LIN7A: variants seen among roughly 807,000 people sequenced by gnomAD.
LIN7A encodes the protein lin-7 cell polarity scaffold A, also known as protein lin-7 homolog A.
A neutral mutation model predicts 29.8 loss-of-function variants in LIN7A; 25 were observed. The ratio of observed to expected loss-of-function variants is 0.84; its 90% CI spans 0.61 to 1.17. The LOEUF is 1.17. Among genes scored for constraint, LIN7A ranks in the 50% most tolerant of loss-of-function variants. LIN7A has a pLI of 0.00. For missense variants in LIN7A, 239 were observed against 287.0 expected (o/e 0.83, Z 1.21); for synonymous variants, 118 against 107.5 (o/e 1.10, Z -0.60).
At chr12:80,907,053 CTCTGTGTGTGTGTG>C (rs1322686518) in intron 1 of LIN7A, among the ~76,000 whole-genome samples, 10 of 132,948 alleles carry the variant, frequency 7.5e-5, no homozygotes, top group Admixed American at 3.7e-4. Context: ...AGAGTGCGTG[CTCTGTGTGTGTGTG>C]TGTGTGTGTG....
At chr12:80,919,249 G>T (rs575557379) in intron 1 of LIN7A, among the ~76,000 whole-genome samples, 1 of 152,258 alleles carries the variant, frequency 6.6e-6, no homozygotes, top group Non-Finnish European at 1.5e-5. Context: ...ACTCTGCTAG[G>T]TGAGAATAAC....
rs1039912794 is a variant in LIN7A, at chr12:80,842,203, A to G, written c.483+3527T>C. ...TATTTATTGATTTCCCCCCCTTTCCATCACACTTTATAACCTAACATTCCA... is the reference window on the plus strand; with the variant it reads ...TATTTATTGATTTCCCCCCCTTTCCGTCACACTTTATAACCTAACATTCCA... On this transcript the variant is annotated intron_variant, in intron 4 of 5. Coordinates refer to ENST00000552864, the MANE Select transcript of LIN7A (RefSeq NM_004664.4). The G allele has an allele frequency of 1.9e-5, 20 of 1,059,458 alleles. No homozygotes were observed. In the African/African-American group the frequency reaches 3.0e-4, roughly 16 times the overall value. 65.6% of individuals were successfully genotyped at this position (1,059,458 alleles called of 1,614,324 possible). A position where few individuals can be genotyped will look rare whatever the true frequency, so the allele number is the denominator to read the frequency against.
chr12:80,907,186 A>C (rs1448904560), intron 1 of LIN7A, among the ~76,000 whole-genome samples: 2 of 151,630 alleles, frequency 1.3e-5, no homozygotes, highest in Non-Finnish European at 2.9e-5. Context: ...GTGGGTGATA[A>C]TTACCATATT....
chr12:80,837,840 C>CA (rs1872649077), intron 4 of LIN7A, among the ~76,000 whole-genome samples: 3 of 150,558 alleles, frequency 2.0e-5, no homozygotes, highest in Non-Finnish European at 4.4e-5. Flanking sequence ...CATCATCATC[C>CA]TCATCATCAT....
At chr12:80,927,351 C>A (rs1008801125) in intron 1 of LIN7A, among the ~76,000 whole-genome samples, 1 of 151,852 alleles carries the variant, frequency 6.6e-6, no homozygotes, top group Non-Finnish European at 1.5e-5. Flanking sequence ...TTAGCAGAGA[C>A]GGGGTTTCAC....
intron 2 of LIN7A, among the ~76,000 whole-genome samples, chr12:80,877,935 T>C (rs528876848): frequency 3.6e-4 from 55 of 152,028 alleles, no homozygotes; most frequent in African/African-American, 1.2e-3. Flanking sequence ...AGTCCTGTGA[T>C]CTCAACAGAA....
intron 2 of LIN7A, among the ~76,000 whole-genome samples, chr12:80,858,538 A>C (rs913439835): frequency 2.0e-5 from 3 of 152,040 alleles, no homozygotes; most frequent in African/African-American, 7.2e-5. Context: ...TTGTTCAAAA[A>C]AGAATTCCCT....
At chr12:80,821,568 A>G (rs1871806206) in intron 4 of LIN7A, among the ~76,000 whole-genome samples, 1 of 152,212 alleles carries the variant, frequency 6.6e-6, no homozygotes, top group African/African-American at 2.4e-5. Context: ...TTCTTAAAAT[A>G]AGACAACAAT....
intron 2 of LIN7A, among the ~76,000 whole-genome samples, chr12:80,868,493 G>A (rs533581257): frequency 6.6e-6 from 1 of 152,150 alleles, no homozygotes; most frequent in South Asian, 2.1e-4. Flanking sequence ...GTTTGAACCT[G>A]GGAGGTGGAG....
chr12:80,844,158 G>C (rs1537), intron 4 of LIN7A, among the ~76,000 whole-genome samples: 59,782 of 151,832 alleles, frequency 0.39, 11,924 homozygotes, highest in Non-Finnish European at 0.41. Context: ...GTGTGACCTA[G>C]CTCTAGAGTC....
intron 1 of LIN7A, among the ~76,000 whole-genome samples, chr12:80,908,278 G>T (rs906456440): frequency 6.6e-6 from 1 of 151,960 alleles, no homozygotes; most frequent in East Asian, 1.9e-4. Flanking sequence ...TGTACCAACC[G>T]TAAGAATGAT....
chr12:80,832,657 C>G (rs12311734), intron 4 of LIN7A: 1 of 448,806 alleles, frequency 2.2e-6, no homozygotes, highest in Non-Finnish European at 4.5e-6. Context: ...TGACATGGCT[C>G]CAGGCCATCC....
At chr12:80,810,353 T>G (rs1052265128) in intron 5 of LIN7A, among the ~76,000 whole-genome samples, 2 of 151,924 alleles carry the variant, frequency 1.3e-5, no homozygotes, top group African/African-American at 4.8e-5. Context: ...AAAAATGACA[T>G]TTCCTGCTTT....
At chr12:80,834,829 C>G (rs979939577) in intron 4 of LIN7A, among the ~76,000 whole-genome samples, 20 of 151,916 alleles carry the variant, frequency 1.3e-4, no homozygotes, top group Non-Finnish European at 2.8e-4. Flanking sequence ...TTATATAAAC[C>G]CTTAGACTTA....
At position 80,834,644 on chromosome 12, in the gene LIN7A, C is replaced by T. The variant is rs537233540; in HGVS notation, c.483+11086G>A. Among the ~76,000 whole-genome samples, 41 of 152,294 alleles carry T rather than the reference C, an allele frequency of 2.7e-4. 1 individual carries two copies. In the South Asian group the frequency reaches 8.3e-3, roughly 31 times the overall value. On this transcript the variant is annotated intron_variant, in intron 4 of 5. Coordinates refer to ENST00000552864, the MANE Select transcript of LIN7A (RefSeq NM_004664.4). ...ATACCACAATTGCTGATACTCATTT[C>T]CCATATCTGAGACTCAGCAACCAAC... is the stretch of plus-strand genomic sequence containing the variant.
chr12:80,917,150 G>A (rs1361451763), intron 1 of LIN7A, among the ~76,000 whole-genome samples: 1 of 152,114 alleles, frequency 6.6e-6, no homozygotes, highest in Non-Finnish European at 1.5e-5. Context: ...TATTATCTAA[G>A]GAAAAAGCAT....
intron 1 of LIN7A, among the ~76,000 whole-genome samples, chr12:80,924,901 A>G (rs552917337): frequency 1.3e-5 from 2 of 152,324 alleles, no homozygotes; most frequent in East Asian, 3.9e-4. Flanking sequence ...ACAAATTGTT[A>G]TTCAATTTTG....
At chr12:80,811,911 A>G (rs3782169) in intron 4 of LIN7A, among the ~76,000 whole-genome samples, 130,077 of 152,162 alleles carry the variant, frequency 0.85, 55,965 homozygotes, top group African/African-American at 0.94. Flanking sequence ...TTCAGGTCAT[A>G]AGGGTGAAAA....
intron 4 of LIN7A, among the ~76,000 whole-genome samples, chr12:80,833,064 A>G (rs914790857): frequency 6.6e-6 from 1 of 152,222 alleles, no homozygotes; most frequent in Non-Finnish European, 1.5e-5. Context: ...AAAAGTTTAC[A>G]TAATATAATT....
Sources: gnomAD v4.1 joint callset for allele counts (sites outside exome capture counted in the v4.1 genomes callset) on GRCh38, gnomAD v4.1.1 for gene constraint, MANE v1.5 for transcripts, NCBI Gene and HGNC (gene_info 2026-07-23, HGNC 2026-07-21) for gene names.